The following CHD1L variants were observed in gnomAD, a reference collection of about 807,000 sequenced individuals.
The protein encoded by CHD1L is ATP-dependent chromatin remodeler CHD1L.
In CHD1L, 118 loss-of-function variants were observed where a neutral mutation model predicts 115.9. The ratio of observed to expected loss-of-function variants is 1.02; its 90% confidence interval spans 0.88 to 1.19. The LOEUF is 1.19. Among genes scored for constraint, CHD1L ranks in the 50% most tolerant of loss-of-function variants. The pLI, the probability that CHD1L is intolerant of heterozygous loss-of-function variation, is 0.00. For missense variants in CHD1L, 1,179 were observed against 1,065.3 expected, an observed-to-expected ratio of 1.11 and a Z score of -1.49; for synonymous variants, 411 against 387.1, an observed-to-expected ratio of 1.06 and a Z score of -0.72.
At chr1:147,269,895 G>T (rs1427770459) in intron 10 of CHD1L, among the ~76,000 whole-genome samples, 3 of 152,128 alleles carry the variant, frequency 2.0e-5, no homozygotes, top group African/African-American at 7.2e-5. Flanking sequence ...TTAGGAATGT[G>T]CAAGTTAAAT....
At chr1:147,284,631 G>A in intron 16 of CHD1L, 132 bp downstream of exon 16, 1 of 813,236 alleles carries the variant, frequency 1.2e-6, no homozygotes, top group Non-Finnish European at 1.8e-6. Flanking sequence ...TTGCTGAAAT[G>A]TTATTATAAT....
chr1:147,275,476 AT>A lies in CHD1L; in HGVS notation c.1385+15del. ...TCGCATTGGCCAAAACAAGTAAGTGATTTTTTTCTGCTTCCTTGGCTTGCCC... is the reference window on the plus strand; with the variant it reads ...TCGCATTGGCCAAAACAAGTAAGTGATTTTTTCTGCTTCCTTGGCTTGCCC... On this transcript the variant is annotated intron_variant, in intron 13 of 22. Transcript: ENST00000369258. The A allele has an allele frequency of 1.9e-6, 3 of 1,606,092 alleles. No individual in the cohort carries two copies. The highest frequency in any genetic ancestry group is 2.6e-6 in the Non-Finnish European group (3 of 1,172,794).
Position 147,255,919 on chromosome 1 carries a change from A to G in CHD1L, c.454A>G (p.Thr152Ala), listed in dbSNP as rs1553940014. The G allele has an allele frequency of 6.2e-7, 1 of 1,610,210 alleles. No individual in the cohort carries two copies. Among genetic ancestry groups the G allele is most frequent in the Non-Finnish European group, 8.5e-7 (1 of 1,177,044 alleles). The change falls in exon 4 of 23, where the codon ACC (threonine) becomes GCC (alanine). Residue 152 changes from threonine (T) to alanine (A), a missense_variant. Physicochemically the swap from Thr to Ala is moderately conservative, Grantham distance 58 (BLOSUM62 0). Coordinates refer to ENST00000369258, the MANE Select transcript of CHD1L (RefSeq NM_004284.6). ...GTCACGTTTTCATGTGCTACTGACT[A>G]CCTATGAGGTATTCATTCGTTTCTC... ...QESRFHVLLT[T>A]YEICLKDASF...
chr1:147,186,533 G>A, the CHD1L span: 7 of 1,000,532 alleles, frequency 7.0e-6, no homozygotes, highest in Admixed American at 5.8e-5. Context: ...TGGAGTAAGC[G>A]ATTTTATACC....
intron 5 of CHD1L, among the ~76,000 whole-genome samples, chr1:147,258,725 C>G (rs1439649002): frequency 6.6e-6 from 1 of 152,158 alleles, no homozygotes. Context: ...TAAGGTGAAC[C>G]TCTGCTCAAG....
At chr1:147,223,354 C>T in the CHD1L span, among the ~76,000 whole-genome samples, 21 of 152,278 alleles carry the variant, frequency 1.4e-4, no homozygotes, top group African/African-American at 4.8e-4. Flanking sequence ...AATTAGTCCC[C>T]AAAACAGAGT....
chr1:147,284,736 C>T (rs1413896112), intron 16 of CHD1L, among the ~76,000 whole-genome samples: 3 of 152,120 alleles, frequency 2.0e-5, no homozygotes, highest in Admixed American at 2.0e-4. Context: ...GTGAAAGCAG[C>T]CTTGTCCATC....
the CHD1L span, among the ~76,000 whole-genome samples, chr1:147,233,473 G>C: frequency 2.3e-5 from 3 of 129,640 alleles, no homozygotes; most frequent in South Asian, 2.6e-4. Context: ...AGGGAGGTGG[G>C]GGGGGTCAGC....
intron 1 of CHD1L, among the ~76,000 whole-genome samples, chr1:147,248,858 C>G (rs1553935009): frequency 6.6e-6 from 1 of 152,124 alleles, no homozygotes; most frequent in African/African-American, 2.4e-5. Flanking sequence ...CCCTGTATAT[C>G]TATCTTCCCT....
chr1:147,290,781 G>A (rs1685213291), intron 19 of CHD1L, among the ~76,000 whole-genome samples: 1 of 151,750 alleles, frequency 6.6e-6, no homozygotes, highest in African/African-American at 2.4e-5. Flanking sequence ...AGCCTCCCAA[G>A]TAGCTAAGAC....
the CHD1L span, chr1:147,201,525 C>A: frequency 1.3e-6 from 2 of 1,579,692 alleles, no homozygotes; most frequent in South Asian, 2.3e-5. Context: ...TGACAAAGAT[C>A]AAGTGGAGAA....
chr1:147,230,652 G>A, the CHD1L span, among the ~76,000 whole-genome samples: 1 of 137,454 alleles, frequency 7.3e-6, no homozygotes, highest in Non-Finnish European at 1.5e-5. Context: ...ACTTTTTTTG[G>A]TTGGTAAGCT....
the CHD1L span, among the ~76,000 whole-genome samples, chr1:147,181,826 G>A: frequency 2.0e-5 from 3 of 152,226 alleles, no homozygotes; most frequent in Non-Finnish European, 2.9e-5. Flanking sequence ...AATGAGGTGG[G>A]CTGGGAAATG....
chr1:147,239,246 G>A (rs892407655), upstream of CHD1L, among the ~76,000 whole-genome samples: 8 of 152,096 alleles, frequency 5.3e-5, no homozygotes, highest in African/African-American at 1.9e-4. Context: ...CTTCTTCAGG[G>A]CCAAGAGAAC....
At chr1:147,175,514 T>G in the CHD1L span, 1 of 152,084 alleles carries the variant, frequency 6.6e-6, no homozygotes, top group Admixed American at 6.5e-5. Flanking sequence ...GGTGCATGAA[T>G]TCTCACCAGA....
intron 6 of CHD1L, among the ~76,000 whole-genome samples, chr1:147,261,413 T>TTTTA (rs375382138): frequency 1.6e-3 from 144 of 92,702 alleles, no homozygotes; most frequent in Admixed American, 3.3e-3. Flanking sequence ...TTTTTTTTTT[T>TTTTA]ATATATAAAG....
chr1:147,196,213 A>G, the CHD1L span, among the ~76,000 whole-genome samples: 1 of 152,142 alleles, frequency 6.6e-6, no homozygotes, highest in Non-Finnish European at 1.5e-5. Context: ...TATGGAACTC[A>G]GAAGTTCATC....
chr1:147,264,632 A>G, intron 7 of CHD1L, 48 bp downstream of exon 7: 3 of 1,593,140 alleles, frequency 1.9e-6, no homozygotes, highest in Non-Finnish European at 2.6e-6. Flanking sequence ...TGGCACAGAA[A>G]CCATCCTCAT....
At chr1:147,251,482 A>G (rs946268060) in intron 1 of CHD1L, among the ~76,000 whole-genome samples, 1 of 152,224 alleles carries the variant, frequency 6.6e-6, no homozygotes, top group East Asian at 1.9e-4. Context: ...TACCTACTCC[A>G]TAGAATCATT....
Sources: gnomAD v4.1 joint callset for allele counts (sites outside exome capture counted in the v4.1 genomes callset) on GRCh38, gnomAD v4.1.1 for gene constraint, MANE v1.5 for transcripts, NCBI Gene and HGNC (gene_info 2026-07-23, HGNC 2026-07-21) for gene names.